GNAL: variants seen among roughly 807,000 people sequenced by gnomAD.
The protein encoded by GNAL is guanine nucleotide-binding protein G(olf) subunit alpha.
In GNAL, 18 loss-of-function variants were observed where a neutral mutation model predicts 55.1. The ratio of observed to expected loss-of-function variants is 0.33; its 90% CI spans 0.23 to 0.48. The LOEUF is 0.48. Among genes scored for constraint, GNAL ranks in the 20% least tolerant of loss-of-function variants. GNAL has a pLI of 0.99. For synonymous variants in GNAL, 253 were observed against 237.0 expected (o/e 1.07, Z -0.62); for missense variants, 412 against 614.1 (o/e 0.67, Z 3.48).
intron 4 of GNAL, among the ~76,000 whole-genome samples, chr18:11,768,654 G>C (rs926452337): frequency 6.6e-6 from 1 of 150,422 alleles, no homozygotes; most frequent in Non-Finnish European, 1.5e-5. Flanking sequence ...CAACACTTTG[G>C]GAGGCCGAGG....
intron 1 of GNAL, among the ~76,000 whole-genome samples, chr18:11,710,992 C>T (rs1441999043): frequency 6.6e-6 from 1 of 152,162 alleles, no homozygotes; most frequent in Non-Finnish European, 1.5e-5. Context: ...TCTCCTGCCT[C>T]AGCCTCCCGA....
chr18:11,845,992 A>G (rs1018956413), intron 5 of GNAL, among the ~76,000 whole-genome samples: 12 of 152,142 alleles, frequency 7.9e-5, no homozygotes, highest in Non-Finnish European at 1.6e-4. Context: ...AGCGGTTTTG[A>G]GTGGCCCTCT....
chr18:11,811,508 G>A (rs909839218), intron 4 of GNAL: 6 of 152,300 alleles, frequency 3.9e-5, no homozygotes, highest in Non-Finnish European at 5.9e-5. Flanking sequence ...GTCAGCAGTC[G>A]GAGCTAAGAA....
At position 11,751,770 on chromosome 18, in the gene GNAL, C is replaced by G; in HGVS notation, c.377-1083C>G. The G allele has an allele frequency of 1.7e-6, 1 of 581,286 alleles. No individual in the cohort carries two copies. The highest frequency in any genetic ancestry group is 2.2e-6 in the Non-Finnish European group (1 of 460,090). The allele number at this position is 581,286 out of a possible 1,614,324, so 36.0% of individuals were successfully genotyped here. ...CTCCCTGACCCCTACAGCGCGGTAG[C>G]GCCTCTCCGAGAGCTCCGGGACCAG... On this transcript the variant is annotated intron_variant, in intron 1 of 11. Transcript: ENST00000334049. The surrounding 1 kb of genome is among the most constrained non-coding windows in gnomAD (Gnocchi z 4.5).
In GNAL at chr18:11,699,430, G is replaced by A. The variant is rs1022897436; in HGVS notation, c.376+9491G>A. On this transcript the variant is annotated intron_variant, in intron 1 of 11. Transcript: ENST00000334049. ...GGGTTTTACCATGTTGGACAGGCTG[G>A]TCTCAAAGTCCTGACCTCTGGGGAT... Among the ~76,000 whole-genome samples, 7 of 151,806 alleles carry A rather than the reference G, an allele frequency of 4.6e-5. No homozygotes were observed. In the South Asian group the frequency reaches 1.5e-3, roughly 32 times the overall value.
intron 5 of GNAL, chr18:11,853,623 GAAAAA>G (rs979711503): frequency 6.0e-6 from 1 of 165,498 alleles, no homozygotes; most frequent in East Asian, 1.9e-4. Flanking sequence ...AATGAGTAAG[GAAAAA>G]AAAAGTGTAA....
At chr18:11,821,130 C>T (rs1263180754) in intron 4 of GNAL, among the ~76,000 whole-genome samples, 2 of 152,206 alleles carry the variant, frequency 1.3e-5, no homozygotes, top group African/African-American at 4.8e-5. Context: ...GGAAGGACCA[C>T]AGAAGTTACT....
At chr18:11,754,109 G>T (rs1364555990) in intron 4 of GNAL, among the ~76,000 whole-genome samples, 164 bp downstream of exon 4, 1 of 152,114 alleles carries the variant, frequency 6.6e-6, no homozygotes, top group African/African-American at 2.4e-5. Context: ...CAAAATATTT[G>T]TGTTTGTTAA....
At chr18:11,856,789 G>A (rs918636039) in intron 5 of GNAL, among the ~76,000 whole-genome samples, 1 of 152,146 alleles carries the variant, frequency 6.6e-6, no homozygotes, top group African/African-American at 2.4e-5. Context: ...TAATTAGCCA[G>A]GCATGATGGT....
At chr18:11,691,147 C>T (rs2031235268) in intron 1 of GNAL, among the ~76,000 whole-genome samples, 1 of 151,758 alleles carries the variant, frequency 6.6e-6, no homozygotes, top group African/African-American at 2.4e-5. Context: ...TTAATGATTG[C>T]CATTCTAACT....
intron 4 of GNAL, among the ~76,000 whole-genome samples, chr18:11,755,341 G>T (rs574709016): frequency 8.6e-5 from 13 of 151,962 alleles, no homozygotes; most frequent in Non-Finnish European, 1.5e-5. Context: ...GTGCAGTGGC[G>T]CGGCTCACTG....
chr18:11,787,595 G>T (rs550064419), intron 4 of GNAL, among the ~76,000 whole-genome samples: 1 of 152,150 alleles, frequency 6.6e-6, no homozygotes, highest in Admixed American at 6.5e-5. Flanking sequence ...ATATTTGGCC[G>T]GGCGCGGTGG....
chr18:11,752,158 G>C lies in GNAL; in HGVS notation c.377-695G>C, dbSNP rs1377233311. Reference sequence around the variant, plus strand: ...CCCTCGCCCCCCGTCTCCGTTCATTGTGCTGTATTCATCCAGCAGATTTTG... The same window carrying C: ...CCCTCGCCCCCCGTCTCCGTTCATTCTGCTGTATTCATCCAGCAGATTTTG... On this transcript the variant is annotated intron_variant, in intron 1 of 11. Transcript: ENST00000334049. This position sits in a 1 kb window ranked among gnomAD's most constrained non-coding sequence, Gnocchi z 4.5. 1 of 347,444 alleles carries C rather than the reference G, an allele frequency of 2.9e-6. No homozygotes were observed. The highest frequency in any genetic ancestry group is 5.4e-5 in the Admixed American group (1 of 18,530). The allele number at this position is 347,444 out of a possible 1,614,324, so 21.5% of individuals were successfully genotyped here.
At chr18:11,880,396 C>G (rs34051500) in intron 11 of GNAL, among the ~76,000 whole-genome samples, 18,219 of 151,786 alleles carry the variant, frequency 0.12, 1,481 homozygotes, top group Middle Eastern at 0.24. Flanking sequence ...TGGTGACACC[C>G]CGTCTCTACT....
At chr18:11,861,211 C>G (rs545682557) in intron 5 of GNAL, among the ~76,000 whole-genome samples, 1 of 152,182 alleles carries the variant, frequency 6.6e-6, no homozygotes, top group African/African-American at 2.4e-5. Flanking sequence ...CTCCCGTCAA[C>G]GCCAGCACCA....
Position 11,808,570 on chromosome 18 carries a change from C to CT in GNAL, c.625-16347dup, listed in dbSNP as rs539897402. 1.1e-4 allele frequency among the ~76,000 whole-genome samples: 16 copies of CT among 152,290 alleles called. No individual in the cohort carries two copies. The South Asian group carries it at 2.7e-3, about 26-fold the overall frequency. Reference sequence around the variant, plus strand: ...GAGAGGAATTAATCATGTTGAGTGACTAATTCCAACTAGAAACTCTTGTAA... The same window carrying CT: ...GAGAGGAATTAATCATGTTGAGTGACTTAATTCCAACTAGAAACTCTTGTAA... On this transcript the variant is annotated intron_variant, in intron 4 of 11. Transcript: ENST00000334049.
At chr18:11,826,483 G>A (rs2035250813) in intron 5 of GNAL, among the ~76,000 whole-genome samples, 1 of 152,204 alleles carries the variant, frequency 6.6e-6, no homozygotes, top group Admixed American at 6.5e-5. Flanking sequence ...ACCACAGCAA[G>A]GAACTTGGGT....
chr18:11,851,516 C>T, intron 5 of GNAL: 1 of 1,585,164 alleles, frequency 6.3e-7, no homozygotes, highest in East Asian at 2.3e-5. Context: ...CCGACTATGT[C>T]TAACATGGAG....
chr18:11,744,645 G>T (rs2032649531), intron 1 of GNAL, among the ~76,000 whole-genome samples: 1 of 152,238 alleles, frequency 6.6e-6, no homozygotes, highest in African/African-American at 2.4e-5. Context: ...GCAACTCTCG[G>T]GCTATAGCTT....
Sources: gnomAD v4.1 joint callset for allele counts (sites outside exome capture counted in the v4.1 genomes callset) on GRCh38, gnomAD v4.1.1 for gene constraint, Gnocchi (gnomAD v3.1) non-coding constraint, MANE v1.5 for transcripts, NCBI Gene and HGNC (gene_info 2026-07-23, HGNC 2026-07-21) for gene names.